SPAG16: variants seen among roughly 807,000 people sequenced by gnomAD.
The protein encoded by SPAG16 is sperm-associated antigen 16 protein.
Under a neutral mutation model 80.4 loss-of-function variants are expected in SPAG16, and 86 were observed. The observed-to-expected ratio is 1.07, with a 90% confidence interval of 0.90 to 1.28. The LOEUF (loss-of-function observed/expected upper bound fraction) is 1.28, where lower values mean the gene tolerates loss of function less well. SPAG16 is among the 50% of genes most tolerant of loss of function. The pLI is 0.00. For synonymous variants in SPAG16, 294 were observed against 265.9 expected, an observed-to-expected ratio of 1.11 and a Z score of -1.03; for missense variants, 870 against 765.3, an observed-to-expected ratio of 1.14 and a Z score of -1.61.
At chr2:214,002,151 C>T (rs908653566) in intron 12 of SPAG16, among the ~76,000 whole-genome samples, 1 of 152,102 alleles carries the variant, frequency 6.6e-6, no homozygotes, top group African/African-American at 2.4e-5. Flanking sequence ...GGTCCCTCCA[C>T]GACATGTGGG....
intron 15 of SPAG16, among the ~76,000 whole-genome samples, chr2:214,230,229 A>G (rs760936598): frequency 9.9e-5 from 15 of 152,008 alleles, no homozygotes; most frequent in Non-Finnish European, 1.9e-4. Context: ...TAATATTTCT[A>G]TCAGCTAACT....
chr2:213,883,689 G>T (rs954617410), intron 11 of SPAG16, among the ~76,000 whole-genome samples: 1 of 131,970 alleles, frequency 7.6e-6, no homozygotes, highest in African/African-American at 2.6e-5. Flanking sequence ...GAATCTGGAT[G>T]CTCCAGTGTT....
chr2:213,828,095 A>G (rs1053409598), intron 10 of SPAG16, among the ~76,000 whole-genome samples: 3 of 151,822 alleles, frequency 2.0e-5, no homozygotes, highest in East Asian at 3.9e-4. Context: ...TTTTGAATAA[A>G]TTTTCTACCC....
intron 9 of SPAG16, among the ~76,000 whole-genome samples, chr2:213,467,120 T>G (rs1478339213): frequency 6.6e-6 from 1 of 152,110 alleles, no homozygotes; most frequent in African/African-American, 2.4e-5. Context: ...GCTCCCAATA[T>G]TGGGGTATTA....
chr2:213,406,936 TAA>T (rs60707204), intron 9 of SPAG16, among the ~76,000 whole-genome samples: 3,122 of 122,366 alleles, frequency 0.026, 43 homozygotes, highest in South Asian at 0.042. Context: ...GACGCGGATT[TAA>T]AAAAAAAAAA....
intron 13 of SPAG16, among the ~76,000 whole-genome samples, chr2:214,024,466 T>A (rs1055779484): frequency 6.6e-6 from 1 of 151,632 alleles, no homozygotes; most frequent in Non-Finnish European, 1.5e-5. Flanking sequence ...CACAAAATAG[T>A]TTAAATGATA....
chr2:214,373,618 G>A (rs186952146), intron 15 of SPAG16, among the ~76,000 whole-genome samples: 9 of 152,162 alleles, frequency 5.9e-5, no homozygotes, highest in African/African-American at 1.4e-4. Flanking sequence ...TCAGAACAAC[G>A]GCTCTTACTT....
intron 13 of SPAG16, among the ~76,000 whole-genome samples, chr2:214,074,192 T>G (rs746628126): frequency 5.3e-5 from 8 of 152,160 alleles, no homozygotes; most frequent in Non-Finnish European, 1.0e-4. Context: ...ATGCTAGCAC[T>G]CTGATCTTAG....
At chr2:213,696,436 G>A (rs933054506) in intron 10 of SPAG16, among the ~76,000 whole-genome samples, 9 of 152,056 alleles carry the variant, frequency 5.9e-5, no homozygotes, top group Non-Finnish European at 8.8e-5. Context: ...GACTAAGTGA[G>A]ATAATCTAGG....
intron 9 of SPAG16, among the ~76,000 whole-genome samples, chr2:213,400,876 G>A (rs548441767): frequency 4.1e-4 from 63 of 151,940 alleles, no homozygotes; most frequent in Admixed American, 6.6e-4. Context: ...GCATGATCGC[G>A]GCTCACAGTA....
chr2:214,267,359 G>T (rs1691651421), intron 15 of SPAG16, among the ~76,000 whole-genome samples: 1 of 151,718 alleles, frequency 6.6e-6, no homozygotes, highest in Admixed American at 6.6e-5. Context: ...ATGGTGAATT[G>T]ATTTTTGACA....
rs764460585 is a variant in SPAG16 at position 213,993,097 on chromosome 2, T to A, written c.1401-20854T>A. On this transcript the variant is annotated intron_variant, in intron 12 of 15. Coordinates refer to ENST00000331683, the MANE Select transcript of SPAG16 (RefSeq NM_024532.5). ...GCAGAGTTTGAGCTGTTTCACTGTC[T>A]CATTGAAACAGAAGAGTATGCTCAG... Among the ~76,000 whole-genome samples the A allele has an allele frequency of 3.9e-5, 6 of 152,208 alleles. 1 individual carries two copies. Among genetic ancestry groups the A allele is most frequent in the Non-Finnish European group, 8.8e-5 (6 of 68,030 alleles).
intron 12 of SPAG16, among the ~76,000 whole-genome samples, chr2:213,956,820 G>T (rs192888810): frequency 1.9e-4 from 29 of 152,160 alleles, no homozygotes; most frequent in Admixed American, 1.0e-3. Context: ...CATTCCATAA[G>T]TTTTGGTATG....
At chr2:214,057,746 C>A (rs377257867) in intron 13 of SPAG16, among the ~76,000 whole-genome samples, 4 of 152,264 alleles carry the variant, frequency 2.6e-5, no homozygotes, top group East Asian at 3.9e-4. Context: ...TACTGAAAAT[C>A]TGTTTTTTAG....
chr2:213,530,154 G>A (rs1385044141), intron 10 of SPAG16, among the ~76,000 whole-genome samples: 2 of 152,150 alleles, frequency 1.3e-5, no homozygotes, highest in African/African-American at 4.8e-5. Flanking sequence ...ATAAGCTAGA[G>A]TATACTCTAA....
chr2:213,490,022 T>G lies in SPAG16; in HGVS notation c.1002T>G (p.Ser334Arg). 6.2e-7 allele frequency: 1 copy of G among 1,611,076 alleles called. No homozygotes were observed. The highest frequency in any genetic ancestry group is 2.2e-5 in the East Asian group (1 of 44,618). Residue 334 changes from serine to arginine, a missense_variant, in exon 10 of 16, where the codon AGT becomes AGG. By Grantham distance (110) the Ser-to-Arg change is moderately radical. Coordinates refer to ENST00000331683, the MANE Select transcript of SPAG16 (RefSeq NM_024532.5). ...PNPNLNVSKE[S>R]LSPAKFDYKL... ...CAAACCTGAATGTTTCTAAAGAAAG[T>G]CTTTCTCCAGCAAAATTTGACTACA... is the stretch of plus-strand genomic sequence containing the variant.
chr2:213,297,042 A>T (rs759552849), intron 2 of SPAG16: 1 of 1,371,652 alleles, frequency 7.3e-7, no homozygotes, highest in South Asian at 1.3e-5. Flanking sequence ...TTGCCCACAA[A>T]CTAATCCTGA....
chr2:214,137,198 C>G (rs926421223), intron 14 of SPAG16, among the ~76,000 whole-genome samples: 6 of 151,884 alleles, frequency 4.0e-5, no homozygotes, highest in African/African-American at 1.5e-4. Flanking sequence ...CTGAAGATAA[C>G]CATTTCTGAT....
Position 213,494,718 on chromosome 2 carries a change from G to C in SPAG16, c.1070+4628G>C, listed in dbSNP as rs185594912. Among the ~76,000 whole-genome samples the C allele has an allele frequency of 5.9e-5, 9 of 152,236 alleles. No homozygotes were observed. In the East Asian group the frequency reaches 1.5e-3, roughly 26 times the overall value. On this transcript the variant is annotated intron_variant, in intron 10 of 15. Coordinates refer to ENST00000331683, the MANE Select transcript of SPAG16 (RefSeq NM_024532.5). ...TTAAATACAATGATGTCTTCCCCTT[G>C]TTGAAAAAATAAAACCCAAACTTAC...
Sources: gnomAD v4.1 joint callset for allele counts (sites outside exome capture counted in the v4.1 genomes callset) on GRCh38, gnomAD v4.1.1 for gene constraint, MANE v1.5 for transcripts, NCBI Gene and HGNC (gene_info 2026-07-23, HGNC 2026-07-21) for gene names.